PDZD8: variants seen among roughly 807,000 people sequenced by gnomAD.
PDZD8 encodes PDZ domain containing 8.
In PDZD8, 14 loss-of-function variants were observed where a neutral mutation model predicts 85.8. That is an observed-to-expected ratio of 0.16 (90% CI 0.11 to 0.26). PDZD8 has a LOEUF of 0.26. Ranked by LOEUF, PDZD8 falls within the 10% of genes least tolerant of loss-of-function variation. PDZD8 has a pLI of 1.00. For missense variants in PDZD8, 1,197 were observed against 1,424.3 expected (o/e 0.84, Z 2.57); for synonymous variants, 592 against 568.6 (o/e 1.04, Z -0.59).
intron 1 of PDZD8, among the ~76,000 whole-genome samples, chr10:117,363,699 A>G (rs529127880): frequency 6.6e-6 from 1 of 152,322 alleles, no homozygotes; most frequent in Admixed American, 6.5e-5. Flanking sequence ...CATACCAACA[A>G]GAACTATTAA....
intron 3 of PDZD8, among the ~76,000 whole-genome samples, chr10:117,316,725 T>C: frequency 6.6e-6 from 1 of 152,074 alleles, no homozygotes; most frequent in East Asian, 1.9e-4. Context: ...ATCAAATAGA[T>C]TTGTTTTCTT....
chr10:117,354,400 T>C (rs1780959625), intron 1 of PDZD8, among the ~76,000 whole-genome samples: 1 of 152,196 alleles, frequency 6.6e-6, no homozygotes, highest in African/African-American at 2.4e-5. Context: ...TATGCCAAAG[T>C]ATTACTATTT....
intron 2 of PDZD8, among the ~76,000 whole-genome samples, chr10:117,328,977 C>A (rs1045864621): frequency 6.6e-6 from 1 of 152,148 alleles, no homozygotes; most frequent in African/African-American, 2.4e-5. Flanking sequence ...GAGTACCAGC[C>A]AGTTAGGTGA....
chr10:117,284,733 C>G lies in PDZD8; in HGVS notation c.2000G>C (p.Cys667Ser). ...GTCGTCCGAACTGTCCTTAGTAGGG[C>G]AGGAAGTTTCTGAAGTGACATCTTT... ...VAKDVTSETS[C>S]PTKDSSDDRQ... is the part of the protein sequence containing the mutation. Residue 667 changes from cysteine (C) to serine (S), a missense_variant, in exon 5 of 5, where the codon TGC becomes TCC. Physicochemically the swap from Cys to Ser is moderately radical, Grantham distance 112. Coordinates refer to ENST00000334464, the MANE Select transcript of PDZD8 (RefSeq NM_173791.5). The G allele has an allele frequency of 6.2e-7, 1 of 1,614,180 alleles. No homozygotes were observed. Among genetic ancestry groups the G allele is most frequent in the Non-Finnish European group, 8.5e-7 (1 of 1,180,026 alleles).
intron 2 of PDZD8, among the ~76,000 whole-genome samples, chr10:117,326,177 T>G (rs889646967): frequency 1.3e-5 from 2 of 152,216 alleles, no homozygotes; most frequent in African/African-American, 4.8e-5. Flanking sequence ...TATAGCAGCA[T>G]GAGAACGGAC....
chr10:117,318,977 G>C lies in PDZD8; in HGVS notation c.996-3C>G. 1 of 1,591,566 alleles carries C rather than the reference G, an allele frequency of 6.3e-7. No individual in the cohort carries two copies. ...CATAGGATCCAAAAATGAGTAACCT[G>C]CAGAATAAAACAAAACAAGGGAGAG... is the stretch of plus-strand genomic sequence containing the variant. On this transcript the variant is annotated splice_region_variant and splice_polypyrimidine_tract_variant and intron_variant, in intron 2 of 4. Coordinates refer to ENST00000334464, the MANE Select transcript of PDZD8 (RefSeq NM_173791.5).
rs1185860405 is a variant in PDZD8 at position 117,374,146 on chromosome 10, ACG to A, written c.872+208_872+209del. Reference sequence around the variant, plus strand: ...GACAGCACCCTGAGTCCCCATGAACACGCGAAAAGGTTTCTAGCTCCTATCAA... The same window carrying A: ...GACAGCACCCTGAGTCCCCATGAACACGAAAAGGTTTCTAGCTCCTATCAA... On this transcript the variant is annotated intron_variant, in intron 1 of 4. Coordinates refer to ENST00000334464, the MANE Select transcript of PDZD8 (RefSeq NM_173791.5). The surrounding 1 kb of genome is among the most constrained non-coding windows in gnomAD (Gnocchi z 7.8). 1.3e-5 allele frequency among the ~76,000 whole-genome samples: 2 copies of A among 152,214 alleles called. No individual in the cohort carries two copies. Among genetic ancestry groups the A allele is most frequent in the East Asian group, 3.8e-4 (2 of 5,196 alleles).
chr10:117,304,369 G>A (rs1843896767), intron 3 of PDZD8, among the ~76,000 whole-genome samples: 1 of 152,116 alleles, frequency 6.6e-6, no homozygotes. Flanking sequence ...TCGTATCTAG[G>A]AAGTAACTAG....
chr10:117,367,777 T>C (rs975615175), intron 1 of PDZD8, among the ~76,000 whole-genome samples: 2 of 151,224 alleles, frequency 1.3e-5, no homozygotes, highest in Non-Finnish European at 2.9e-5. Flanking sequence ...CTACTAAAAA[T>C]AAAAAAATTA....
chr10:117,307,329 T>C (rs1843960765), intron 3 of PDZD8, among the ~76,000 whole-genome samples: 1 of 152,048 alleles, frequency 6.6e-6, no homozygotes, highest in Admixed American at 6.6e-5. Flanking sequence ...TGTTAAAATA[T>C]GCAAGTTTCT....
intron 1 of PDZD8, among the ~76,000 whole-genome samples, chr10:117,371,774 C>T (rs991722481): frequency 2.6e-5 from 4 of 151,904 alleles, no homozygotes; most frequent in Non-Finnish European, 5.9e-5. Context: ...CCTATCTCTA[C>T]AAAAAAAATT....
At chr10:117,358,714 C>A (rs1844942664) in intron 1 of PDZD8, among the ~76,000 whole-genome samples, 1 of 152,140 alleles carries the variant, frequency 6.6e-6, no homozygotes, top group Non-Finnish European at 1.5e-5. Flanking sequence ...AGCCTTGACA[C>A]CTTTGGCAAG....
intron 1 of PDZD8, among the ~76,000 whole-genome samples, chr10:117,350,007 TAC>T: frequency 6.6e-6 from 1 of 152,102 alleles, no homozygotes; most frequent in Non-Finnish European, 1.5e-5. Context: ...TGTTTAGTAA[TAC>T]AGAGGTAACA....
chr10:117,360,332 C>T (rs1488515871), intron 1 of PDZD8, among the ~76,000 whole-genome samples: 1 of 151,676 alleles, frequency 6.6e-6, no homozygotes, highest in Admixed American at 6.6e-5. Context: ...TTCATCACAA[C>T]CCACAATGTA....
In PDZD8 at chr10:117,283,522, A is replaced by G; in HGVS notation, c.3211T>C (p.Ser1071Pro). The change falls in exon 5 of 5, where the codon TCA (serine) becomes CCA (proline). Residue 1071 changes from serine (S) to proline (P), a missense_variant. Ser to Pro is a moderately conservative substitution (Grantham distance 74). Transcript: ENST00000334464. ...EKETTDTRKK[S>P]LLSAALAKSG... ...TTAGCTAAGGCAGCAGAAAGAAGTG[A>G]TTTTTTCCTTGTATCAGTTGTCTCT... 1 of 1,614,136 alleles carries G rather than the reference A, an allele frequency of 6.2e-7. No homozygotes were observed.
chr10:117,372,209 A>G (rs1845205789), intron 1 of PDZD8, among the ~76,000 whole-genome samples: 3 of 152,266 alleles, frequency 2.0e-5, no homozygotes, highest in African/African-American at 7.2e-5. Flanking sequence ...AATGCTTCAC[A>G]TTTAGAAGTT....
chr10:117,311,998 T>C (rs1844046347), intron 3 of PDZD8, among the ~76,000 whole-genome samples: 1 of 152,042 alleles, frequency 6.6e-6, no homozygotes, highest in African/African-American at 2.4e-5. Context: ...AAGAAAACCC[T>C]GGCTTTCCCA....
At chr10:117,305,513 CACAT>C (rs1350624469) in intron 3 of PDZD8, among the ~76,000 whole-genome samples, 4 of 128,206 alleles carry the variant, frequency 3.1e-5, no homozygotes, top group African/African-American at 5.8e-5. Context: ...CACACACACA[CACAT>C]ATATGGAGAG....
chr10:117,341,252 T>G, intron 1 of PDZD8, 150 bp from the exon 2 acceptor site: 1 of 801,690 alleles, frequency 1.2e-6, no homozygotes, highest in Non-Finnish European at 1.9e-6. Flanking sequence ...CACTCCCCCA[T>G]AACTGGCAGC....
Sources: allele counts gnomAD v4.1 joint callset (sites outside exome capture counted in the v4.1 genomes callset), GRCh38; gene constraint gnomAD v4.1.1; non-coding constraint Gnocchi (gnomAD v3.1); transcripts MANE v1.5; gene names NCBI Gene and HGNC (gene_info 2026-07-23, HGNC 2026-07-21).